The following KDM5A variants were observed in gnomAD, a reference collection of about 807,000 sequenced individuals.
The protein encoded by KDM5A is lysine-specific demethylase 5A.
A neutral mutation model predicts 193.5 loss-of-function variants in KDM5A; 42 were observed. The observed-to-expected ratio is 0.22, with a 90% CI of 0.17 to 0.28. The LOEUF (loss-of-function observed/expected upper bound fraction) is 0.28. Among genes scored for constraint, KDM5A ranks in the 10% least tolerant of loss-of-function variants. The probability of loss-of-function intolerance (pLI) is 1.00; values close to 1 mark genes in which losing one functional copy is unlikely to be tolerated. For synonymous variants in KDM5A, 796 were observed against 718.1 expected (o/e 1.11, Z -1.73); for missense variants, 1,692 against 2,055.1 (o/e 0.82, Z 3.42).
chr12:328,748 G>C, intron 14 of KDM5A, 87 bp downstream of exon 14: 4 of 1,154,318 alleles, frequency 3.5e-6, no homozygotes, highest in Non-Finnish European at 5.2e-6. Context: ...ACTCCTAGGG[G>C]ATAAGGGATG....
At chr12:322,388 C>T (rs746586442) in intron 17 of KDM5A, 29 bp downstream of exon 17, 17 of 1,604,852 alleles carry the variant, frequency 1.1e-5, no homozygotes, top group Non-Finnish European at 1.4e-5. Flanking sequence ...CAGGAAAACA[C>T]TGGAGAATTA....
chr12:351,689 C>T (rs1278659265), intron 9 of KDM5A, among the ~76,000 whole-genome samples: 1 of 152,148 alleles, frequency 6.6e-6, no homozygotes, highest in Non-Finnish European at 1.5e-5. Flanking sequence ...AAATAGACAG[C>T]TGGGCGTGGT....
chr12:369,525 A>C (rs192454279), intron 3 of KDM5A, among the ~76,000 whole-genome samples: 1 of 152,342 alleles, frequency 6.6e-6, no homozygotes, highest in Non-Finnish European at 1.5e-5. Context: ...AAAAGCAGTC[A>C]AGGGGCCTCC....
intron 13 of KDM5A, among the ~76,000 whole-genome samples, chr12:331,423 A>C (rs1044484686): frequency 6.6e-6 from 1 of 152,192 alleles, no homozygotes; most frequent in African/African-American, 2.4e-5. Flanking sequence ...GAATCGACTG[A>C]CCATTTATAA....
chr12:325,751 C>T lies in KDM5A; in HGVS notation c.1969-1970G>A, dbSNP rs530072698. On this transcript the variant is annotated intron_variant, in intron 14 of 27. Coordinates refer to ENST00000399788, the MANE Select transcript of KDM5A (RefSeq NM_001042603.3). ...AAACGAGGCCAGGTGTGGTGGCTCA[C>T]GCCTGTAATCCCAGCACTTTGGGAG... 5.3e-5 allele frequency among the ~76,000 whole-genome samples: 8 copies of T among 152,210 alleles called. No homozygotes were observed. In the East Asian group the frequency reaches 7.7e-4, roughly 15 times the overall value.
chr12:323,449 A>G lies in KDM5A; in HGVS notation c.2150+151T>C, dbSNP rs547405828. On this transcript the variant is annotated intron_variant, in intron 15 of 27. Transcript: ENST00000399788. ...AATTTCAGCTGCCAGGTTTAGGGCCAACTTTAAGGGACTGGTCTTCAAGCC... is the reference window on the plus strand; with the variant it reads ...AATTTCAGCTGCCAGGTTTAGGGCCGACTTTAAGGGACTGGTCTTCAAGCC... 6.6e-5 allele frequency: 60 copies of G among 914,866 alleles called. No homozygotes were observed. In the African/African-American group the frequency reaches 9.6e-4, roughly 15 times the overall value. The allele number at this position is 914,866 out of a possible 1,614,324, so 56.7% of individuals were successfully genotyped here. A position where few individuals can be genotyped will look rare whatever the true frequency, so the allele number is the denominator to read the frequency against.
intron 10 of KDM5A, among the ~76,000 whole-genome samples, chr12:346,444 G>C (rs1472223044): frequency 2.0e-5 from 3 of 152,106 alleles, no homozygotes; most frequent in Non-Finnish European, 2.9e-5. Flanking sequence ...ACCAAAGCCT[G>C]GCAGAGACAC....
chr12:308,998 AAG>A (rs1158518389), intron 22 of KDM5A, among the ~76,000 whole-genome samples: 1 of 152,240 alleles, frequency 6.6e-6, no homozygotes, highest in Admixed American at 6.5e-5. Context: ...CAATAGTAAT[AAG>A]AGTCATAAAA....
chr12:288,628 GCTTA>G (rs1315765342), intron 27 of KDM5A, among the ~76,000 whole-genome samples: 1 of 152,164 alleles, frequency 6.6e-6, no homozygotes, highest in Non-Finnish European at 1.5e-5. Flanking sequence ...GATATTCTTA[GCTTA>G]CTAATTAAAC....
chr12:319,526 G>A (rs1943690774), intron 18 of KDM5A, among the ~76,000 whole-genome samples: 1 of 152,174 alleles, frequency 6.6e-6, no homozygotes, highest in South Asian at 2.1e-4. Flanking sequence ...CAAAGCAAGT[G>A]GATCGCTTGA....
intron 13 of KDM5A, among the ~76,000 whole-genome samples, chr12:329,832 C>T (rs1480253517): frequency 6.6e-6 from 1 of 152,074 alleles, no homozygotes; most frequent in African/African-American, 2.4e-5. Context: ...ACTTCAACTT[C>T]TTTCCTATGC....
At chr12:337,873 C>A (rs1441845963) in intron 10 of KDM5A, among the ~76,000 whole-genome samples, 1 of 152,058 alleles carries the variant, frequency 6.6e-6, no homozygotes, top group African/African-American at 2.4e-5. Context: ...AAACTGCTGA[C>A]CTCAAGTGAT....
At chr12:339,140 T>C (rs1008329533) in intron 10 of KDM5A, among the ~76,000 whole-genome samples, 1 of 148,150 alleles carries the variant, frequency 6.7e-6, no homozygotes, top group African/African-American at 2.5e-5. Flanking sequence ...ATCACACCAT[T>C]GCACTCCAGC....
intron 1 of KDM5A, chr12:388,085 A>G: frequency 4.1e-6 from 1 of 241,528 alleles, no homozygotes; most frequent in South Asian, 4.3e-5. Context: ...ACAAGCATCC[A>G]GTTGACCCTG....
At chr12:371,423 G>A (rs1014395448) in intron 3 of KDM5A, among the ~76,000 whole-genome samples, 12 of 152,130 alleles carry the variant, frequency 7.9e-5, no homozygotes, top group East Asian at 3.9e-4. Flanking sequence ...TTTGAGAAGC[G>A]TCTGTTCATA....
intron 12 of KDM5A, 86 bp from the exon 13 acceptor site, chr12:332,024 A>G (rs1382160895): frequency 7.8e-7 from 1 of 1,285,414 alleles, no homozygotes; most frequent in Non-Finnish European, 1.1e-6. Context: ...ATAATTTCAG[A>G]TGCATTTTCT....
At chr12:381,112 G>A (rs1055935263) in intron 3 of KDM5A, among the ~76,000 whole-genome samples, 3 of 151,722 alleles carry the variant, frequency 2.0e-5, no homozygotes, top group Admixed American at 2.0e-4. Flanking sequence ...CTCCTGCCTC[G>A]GCCTCCCAAG....
At chr12:373,399 T>TA (rs1944458069) in intron 3 of KDM5A, among the ~76,000 whole-genome samples, 2 of 152,348 alleles carry the variant, frequency 1.3e-5, no homozygotes, top group Non-Finnish European at 2.9e-5. Flanking sequence ...TATTCTCTGA[T>TA]GGTAGTTTGT....
chr12:343,047 G>A lies in KDM5A; in HGVS notation c.1308+7574C>T, dbSNP rs140444182. Among the ~76,000 whole-genome samples, 261 of 152,284 alleles carry A rather than the reference G, an allele frequency of 1.7e-3. 2 individuals carry two copies. The highest frequency in any genetic ancestry group is 0.011 in the South Asian group (51 of 4,824). ...CAAGGGAAGCCATGACAGACTACCTGGAAAAACGAGGCACTCCCGCCCAAA... is the reference window on the plus strand; with the variant it reads ...CAAGGGAAGCCATGACAGACTACCTAGAAAAACGAGGCACTCCCGCCCAAA... On this transcript the variant is annotated intron_variant, in intron 10 of 27. Transcript: ENST00000399788.
Sources: gnomAD v4.1 joint callset for allele counts (sites outside exome capture counted in the v4.1 genomes callset) on GRCh38, gnomAD v4.1.1 for gene constraint, MANE v1.5 for transcripts, NCBI Gene and HGNC (gene_info 2026-07-23, HGNC 2026-07-21) for gene names.